FNDC9: variants seen among roughly 807,000 people sequenced by gnomAD.
The protein encoded by FNDC9 is fibronectin type III domain-containing protein 9.
A neutral mutation model predicts 9.0 loss-of-function variants in FNDC9; 3 were observed. The observed-to-expected ratio is 0.33, with a 90% confidence interval of 0.15 to 0.86. FNDC9 has a LOEUF of 0.86. Among genes scored for constraint, FNDC9 ranks in the 40% least tolerant of loss-of-function variants. FNDC9 has a pLI of 0.53. For synonymous variants in FNDC9, 114 were observed against 115.6 expected (o/e 0.99, Z 0.09); for missense variants, 279 against 287.2 (o/e 0.97, Z 0.21).
intron 1 of FNDC9, among the ~76,000 whole-genome samples, 161 bp from the exon 2 acceptor site, chr5:157,343,704 G>A (rs1423433775): frequency 6.6e-6 from 1 of 152,136 alleles, no homozygotes; most frequent in Non-Finnish European, 1.5e-5. Flanking sequence ...TTTAGGCATA[G>A]CGAAAAAGTG....
rs755313254 is a variant in FNDC9, at chr5:157,343,568, G to A, written c.-7-25C>T. 1.4e-5 allele frequency: 21 copies of A among 1,503,300 alleles called. No individual in the cohort carries two copies. The South Asian group carries it at 2.2e-4, about 16-fold the overall frequency. 93.1% of individuals were successfully genotyped at this position (1,503,300 alleles called of 1,614,324 possible). ...TCTGGAACCAGAATCAAAGTGAAGA[G>A]TGACATCCCCTGATTTAAGTATGTA... On this transcript the variant is annotated intron_variant, in intron 1 of 1. Transcript: ENST00000312349.
chr5:157,342,935 T>A lies in FNDC9; in HGVS notation c.602A>T (p.Asp201Val). ...GAELDPEANQ[D>V]APDAGALQRG... ...CTGTAAGGCACCCGCATCAGGGGCA[T>A]CCTGGTTGGCTTCGGGATCCAGTTC... Residue 201 changes from aspartate (D) to valine (V), a missense_variant, in exon 2 of 2, where the codon GAT (aspartate) becomes GTT (valine). Asp to Val is a radical substitution (Grantham distance 152, BLOSUM62 -3). Transcript: ENST00000312349. 6.2e-7 allele frequency: 1 copy of A among 1,614,210 alleles called. No homozygotes were observed.
chr5:157,343,630 G>T, intron 1 of FNDC9, 87 bp from the exon 2 acceptor site: 1 of 1,072,548 alleles, frequency 9.3e-7, no homozygotes, highest in Non-Finnish European at 1.3e-6. Flanking sequence ...TTGCACATTT[G>T]AGACGGGCAC....
Position 157,342,889 on chromosome 5 carries a change from G to A in FNDC9, c.648C>T (p.Pro216=), listed in dbSNP as rs553987053. ...GALQRGGGDP[P]AILPHCGE ...ATTCCCCACAATGAGGCAGTATAGC[G>A]GGTGGGTCACCACCCCCCCTCTGTA... The change falls in exon 2 of 2, where the codon CCC becomes CCT. Residue 216 remains proline (P), a synonymous_variant. Coordinates refer to ENST00000312349, the MANE Select transcript of FNDC9 (RefSeq NM_001001343.4). 1.1e-5 allele frequency: 18 copies of A among 1,613,710 alleles called. No individual in the cohort carries two copies. Among genetic ancestry groups the A allele is most frequent in the South Asian group, 6.6e-5 (6 of 90,970 alleles).
Position 157,343,288 on chromosome 5 carries a change from G to A in FNDC9, c.249C>T (p.Phe83=). The A allele has an allele frequency of 6.2e-7, 1 of 1,614,204 alleles. No homozygotes were observed. Among genetic ancestry groups the A allele is most frequent in the Non-Finnish European group, 8.5e-7 (1 of 1,180,034 alleles). The stretch of plus-strand genomic sequence containing the variant: ...ACATGGTGCAGTAGTGCCTGTAAGG[G>A]AAGGCAGCCTTCTTACAGCTGATGC... ...FLCISCKKAA[F]PYRHYCTMFH... The change falls in exon 2 of 2, where the codon TTC becomes TTT. Residue 83 remains phenylalanine (F), a synonymous_variant. Coordinates refer to ENST00000312349, the MANE Select transcript of FNDC9 (RefSeq NM_001001343.4).
chr5:157,343,766 G>C (rs10062052), intron 1 of FNDC9, among the ~76,000 whole-genome samples: 1 of 151,792 alleles, frequency 6.6e-6, no homozygotes, highest in South Asian at 2.1e-4. Flanking sequence ...TCAGGCCTAA[G>C]AACAGATGCA....
chr5:157,342,835 A>G lies in FNDC9; in HGVS notation c.*27T>C, dbSNP rs1762371512. On this transcript the variant is annotated 3_prime_UTR_variant, in exon 2 of 2. Coordinates refer to ENST00000312349, the MANE Select transcript of FNDC9 (RefSeq NM_001001343.4). ...TACTGTGTGGAAAGCTTTAGGCTAC[A>G]TGATGCGGGCGCTCTCCTCCCCACT... The G allele has an allele frequency of 1.9e-6, 3 of 1,585,852 alleles. No homozygotes were observed. Among genetic ancestry groups the G allele is most frequent in the Non-Finnish European group, 1.7e-6 (2 of 1,165,466 alleles).
Position 157,343,367 on chromosome 5 carries a change from G to A in FNDC9, c.170C>T (p.Thr57Met), listed in dbSNP as rs34741916. The change falls in exon 2 of 2, where the codon ACG becomes ATG. Residue 57 changes from threonine (T) to methionine (M), a missense_variant. Thr to Met is a moderately conservative substitution (Grantham distance 81, BLOSUM62 -1). Coordinates refer to ENST00000312349, the MANE Select transcript of FNDC9 (RefSeq NM_001001343.4). ...SFHHEEKVPR[T>M]ISSVVLEHLA... The stretch of plus-strand genomic sequence containing the variant: ...ATGTTCCAGCACCACGGAGCTGATC[G>A]TTCGAGGCACCTTCTCCTCGTGGTG... 1,366 of 1,614,172 alleles carry A rather than the reference G, an allele frequency of 8.5e-4. 10 individuals are homozygous for A. In the African/African-American group the frequency reaches 0.011, roughly 13 times the overall value.
rs1237008372 is a variant in FNDC9, at chr5:157,343,165, G to A, written c.372C>T (p.Phe124=). 1 of 1,614,264 alleles carries A rather than the reference G, an allele frequency of 6.2e-7. No individual in the cohort carries two copies. The highest frequency in any genetic ancestry group is 2.2e-5 in the East Asian group (1 of 44,882). ...GGCAGATGAAGGCCAAGACGGCTGT[G>A]AAGCAGGCCAGCAGAATGGCCATCA... is the stretch of plus-strand genomic sequence containing the variant. The part of the protein sequence containing the change: ...WVLMAILLAC[F]TAVLAFICLQ... Residue 124 remains phenylalanine, a synonymous_variant, in exon 2 of 2, where the codon TTC becomes TTT. Transcript: ENST00000312349.
In FNDC9 at chr5:157,342,909, T is replaced by G; in HGVS notation, c.628A>C (p.Arg210=). The change falls in exon 2 of 2, where the codon AGG becomes CGG. Residue 210 remains arginine (R), a synonymous_variant. Coordinates refer to ENST00000312349, the MANE Select transcript of FNDC9 (RefSeq NM_001001343.4). Reference sequence around the variant, plus strand: ...ATAGCGGGTGGGTCACCACCCCCCCTCTGTAAGGCACCCGCATCAGGGGCA... The same window carrying G: ...ATAGCGGGTGGGTCACCACCCCCCCGCTGTAAGGCACCCGCATCAGGGGCA... ...QDAPDAGALQ[R]GGGDPPAILP... 6.2e-7 allele frequency: 1 copy of G among 1,614,014 alleles called. No homozygotes were observed. The highest frequency in any genetic ancestry group is 8.5e-7 in the Non-Finnish European group (1 of 1,179,898).
In FNDC9 at chr5:157,342,490, C is replaced by T. The variant is rs1245136327; in HGVS notation, c.*372G>A. The T allele has an allele frequency of 2.3e-5, 4 of 172,672 alleles. No homozygotes were observed. The highest frequency in any genetic ancestry group is 9.5e-5 in the African/African-American group (4 of 42,134). The allele number at this position is 172,672 out of a possible 1,614,324, so 10.7% of individuals were successfully genotyped here. On this transcript the variant is annotated 3_prime_UTR_variant, in exon 2 of 2. Transcript: ENST00000312349. ...ACATCTACCTTTGCCCAAAAGTGTA[C>T]CTCTGAGAGCCTACTTGTAACTCAA...
At chr5:157,344,091 C>G (rs1346865113) in intron 1 of FNDC9, among the ~76,000 whole-genome samples, 1 of 152,150 alleles carries the variant, frequency 6.6e-6, no homozygotes. Context: ...TTCGCTTCGT[C>G]ACTCTTTGGC....
intron 1 of FNDC9, among the ~76,000 whole-genome samples, chr5:157,343,966 A>G (rs1762490441): frequency 6.6e-6 from 1 of 151,986 alleles, no homozygotes; most frequent in Non-Finnish European, 1.5e-5. Flanking sequence ...ATTCACCTCA[A>G]TTTTCCTTCT....
Position 157,342,841 on chromosome 5 carries a change from C to T in FNDC9, c.*21G>A, listed in dbSNP as rs1293385617. 34 of 1,591,156 alleles carry T rather than the reference C, an allele frequency of 2.1e-5. No individual in the cohort carries two copies. Among genetic ancestry groups the T allele is most frequent in the Middle Eastern group, 3.4e-4 (2 of 5,854 alleles). ...GTGGAAAGCTTTAGGCTACATGATG[C>T]GGGCGCTCTCCTCCCCACTCTCATT... On this transcript the variant is annotated 3_prime_UTR_variant, in exon 2 of 2. Coordinates refer to ENST00000312349, the MANE Select transcript of FNDC9 (RefSeq NM_001001343.4).
chr5:157,342,908 C>G lies in FNDC9; in HGVS notation c.629G>C (p.Arg210Thr), dbSNP rs143433635. 2 of 1,614,130 alleles carry G rather than the reference C, an allele frequency of 1.2e-6. No homozygotes were observed. The highest frequency in any genetic ancestry group is 1.7e-6 in the Non-Finnish European group (2 of 1,179,976). The change falls in exon 2 of 2, where the codon AGG becomes ACG. Residue 210 changes from arginine (R) to threonine (T), a missense_variant. Arg to Thr is a moderately conservative substitution (Grantham distance 71). Coordinates refer to ENST00000312349, the MANE Select transcript of FNDC9 (RefSeq NM_001001343.4). Reference protein sequence around the residue: ...QDAPDAGALQRGGGDPPAILP... With the variant: ...QDAPDAGALQTGGGDPPAILP... ...TATAGCGGGTGGGTCACCACCCCCC[C>G]TCTGTAAGGCACCCGCATCAGGGGC...
chr5:157,342,090 A>G lies in FNDC9; in HGVS notation c.*772T>C, dbSNP rs1331894098. Reference sequence around the variant, plus strand: ...CTGGATCTCCCTTTTTATCAAAGACAAGCAAGCAGGCATTAAGCTCAGAAT... The same window carrying G: ...CTGGATCTCCCTTTTTATCAAAGACGAGCAAGCAGGCATTAAGCTCAGAAT... On this transcript the variant is annotated 3_prime_UTR_variant, in exon 2 of 2. Coordinates refer to ENST00000312349, the MANE Select transcript of FNDC9 (RefSeq NM_001001343.4). 1.3e-5 allele frequency: 2 copies of G among 152,662 alleles called. No individual in the cohort carries two copies. Among genetic ancestry groups the G allele is most frequent in the Non-Finnish European group, 2.9e-5 (2 of 68,030 alleles). The allele number at this position is 152,662 out of a possible 1,614,324, so 9.5% of individuals were successfully genotyped here.
Position 157,341,636 on chromosome 5 carries a change from G to A in FNDC9, c.*1226C>T, listed in dbSNP as rs1387813900. The A allele has an allele frequency of 6.4e-6, 1 of 156,686 alleles. No homozygotes were observed. Among genetic ancestry groups the A allele is most frequent in the Non-Finnish European group, 1.4e-5 (1 of 70,776 alleles). 9.7% of individuals were successfully genotyped at this position (156,686 alleles called of 1,614,324 possible). A position where few individuals can be genotyped will look rare whatever the true frequency, so the allele number is the denominator to read the frequency against. ...ATCTTTATTTGTTCACAAGTAGCAGGAATGGGGGCAAAAGTCTGGGTGCCG... is the reference window on the plus strand; with the variant it reads ...ATCTTTATTTGTTCACAAGTAGCAGAAATGGGGGCAAAAGTCTGGGTGCCG... On this transcript the variant is annotated 3_prime_UTR_variant, in exon 2 of 2. Transcript: ENST00000312349.
Position 157,343,145 on chromosome 5 carries a change from A to G in FNDC9, c.392T>C (p.Ile131Thr), listed in dbSNP as rs141899488. The change falls in exon 2 of 2, where the codon ATC becomes ACC. Residue 131 changes from isoleucine (I) to threonine (T), a missense_variant. Transcript: ENST00000312349. ...LACFTAVLAF[I>T]CLQFWCVRCH... ...ACGGACACACCAGAACTGGAGGCAG[A>G]TGAAGGCCAAGACGGCTGTGAAGCA... 5,101 of 1,614,228 alleles carry G rather than the reference A, an allele frequency of 3.2e-3. 9 individuals are homozygous for G. The highest frequency in any genetic ancestry group is 4.0e-3 in the Non-Finnish European group (4,715 of 1,180,032).
intron 1 of FNDC9, among the ~76,000 whole-genome samples, chr5:157,344,321 C>T (rs1367367860): frequency 2.0e-5 from 3 of 152,150 alleles, no homozygotes; most frequent in African/African-American, 7.2e-5. Context: ...GATTCACAGG[C>T]AGTAATTAAT....
Sources: allele counts gnomAD v4.1 joint callset (sites outside exome capture counted in the v4.1 genomes callset), GRCh38; gene constraint gnomAD v4.1.1; transcripts MANE v1.5; gene names NCBI Gene and HGNC (gene_info 2026-07-23, HGNC 2026-07-21).